Variants in IL1RAPL2 observed in about 807,000 individuals in gnomAD.
The protein encoded by IL1RAPL2 is interleukin 1 receptor accessory protein like 2.
A neutral mutation model predicts 44.1 loss-of-function variants in IL1RAPL2; 3 were observed. That is an observed-to-expected ratio of 0.07 (90% CI 0.03 to 0.18). The LOEUF (loss-of-function observed/expected upper bound fraction) is 0.18. Among genes scored for constraint, IL1RAPL2 ranks in the 10% least tolerant of loss-of-function variants. The probability of loss-of-function intolerance (pLI) is 1.00; values close to 1 mark genes in which losing one functional copy is unlikely to be tolerated. For synonymous variants in IL1RAPL2, 181 were observed against 178.8 expected, an observed-to-expected ratio of 1.01 and a Z score of -0.10; for missense variants, 391 against 496.4, an observed-to-expected ratio of 0.79 and a Z score of 2.02.
intron 6 of IL1RAPL2, among the ~76,000 whole-genome samples, chrX:105,608,359 A>G (rs1320254679): frequency 8.9e-6 from 1 of 111,748 alleles, no homozygotes; most frequent in East Asian, 2.8e-4. Flanking sequence ...TTCTGAGAGA[A>G]TTTTTAAAAC....
intron 1 of IL1RAPL2, among the ~76,000 whole-genome samples, chrX:104,620,149 G>A (rs1332209487): frequency 9.0e-6 from 1 of 110,932 alleles, no homozygotes; most frequent in Non-Finnish European, 1.9e-5. Context: ...GAGGGACAAT[G>A]GGAAACTATA....
chrX:105,064,105 C>T lies in IL1RAPL2; in HGVS notation c.83-131370C>T, dbSNP rs143018338. 4.1e-3 allele frequency among the ~76,000 whole-genome samples: 465 copies of T among 112,360 alleles called. 1 individual carries two copies. Among genetic ancestry groups the T allele is most frequent in the African/African-American group, 0.014 (434 of 30,934 alleles). On this transcript the variant is annotated intron_variant, in intron 2 of 10. Coordinates refer to ENST00000372582, the MANE Select transcript of IL1RAPL2 (RefSeq NM_017416.2). ...TACAATCACCAGGTGGTGAAGCTAT[C>T]TAGGACTTTTTTCTTCCCTACATGG...
chrX:104,890,120 G>A (rs191123112), intron 2 of IL1RAPL2, among the ~76,000 whole-genome samples: 46 of 111,750 alleles, frequency 4.1e-4, no homozygotes, highest in Non-Finnish European at 6.0e-4. Context: ...CCCTACAAAG[G>A]ACATGAACTC....
chrX:105,558,760 A>G (rs770120995), intron 6 of IL1RAPL2, among the ~76,000 whole-genome samples: 1 of 112,232 alleles, frequency 8.9e-6, no homozygotes, highest in African/African-American at 3.2e-5. Flanking sequence ...TTTTCTAATC[A>G]TGGTCTTCTA....
intron 2 of IL1RAPL2, among the ~76,000 whole-genome samples, chrX:105,080,158 A>G (rs1407473179): frequency 8.9e-6 from 1 of 111,932 alleles, no homozygotes; most frequent in Non-Finnish European, 1.9e-5. Context: ...ATTTTCTACC[A>G]TTCTGTAGGT....
chrX:104,892,720 T>G (rs1444326735), intron 2 of IL1RAPL2, among the ~76,000 whole-genome samples: 1 of 111,583 alleles, frequency 9.0e-6, no homozygotes, highest in Non-Finnish European at 1.9e-5. Flanking sequence ...TCTATCAGTT[T>G]TGTTGATCTT....
At chrX:105,231,347 A>G (rs1330925368) in intron 3 of IL1RAPL2, among the ~76,000 whole-genome samples, 2 of 111,563 alleles carry the variant, frequency 1.8e-5, no homozygotes, top group Admixed American at 1.9e-4. Flanking sequence ...ATCCACAAAT[A>G]CCTGCAAATT....
rs1026135787 is a variant in IL1RAPL2 at position 105,113,561 on chromosome X, C to T, written c.83-81914C>T. On this transcript the variant is annotated intron_variant, in intron 2 of 10. Coordinates refer to ENST00000372582, the MANE Select transcript of IL1RAPL2 (RefSeq NM_017416.2). ...TGTTGTCAGTTTTCCAAAATATATT[C>T]CACTTCTCTCTGTCTCAGAGCAGGC... Among the ~76,000 whole-genome samples, 4 of 111,827 alleles carry T rather than the reference C, an allele frequency of 3.6e-5. No homozygotes were observed. The South Asian group carries it at 1.5e-3, about 42-fold the overall frequency.
At chrX:105,366,861 A>G (rs1455143568) in intron 5 of IL1RAPL2, among the ~76,000 whole-genome samples, 1 of 111,785 alleles carries the variant, frequency 8.9e-6, no homozygotes, top group Non-Finnish European at 1.9e-5. Context: ...GTTTTTGTCT[A>G]AAGTCTAGTT....
intron 2 of IL1RAPL2, among the ~76,000 whole-genome samples, chrX:104,784,800 C>A (rs1275793440): frequency 9.2e-6 from 1 of 108,337 alleles, no homozygotes; most frequent in Non-Finnish European, 1.9e-5. Context: ...ACATCTGTAA[C>A]TGTGCTCAGA....
At chrX:105,401,978 A>T (rs1251778534) in intron 5 of IL1RAPL2, among the ~76,000 whole-genome samples, 3 of 110,513 alleles carry the variant, frequency 2.7e-5, no homozygotes, top group African/African-American at 9.8e-5. Context: ...GCTTGAAAAA[A>T]ATTGTCACTT....
At chrX:104,875,543 A>G (rs778951519) in intron 2 of IL1RAPL2, among the ~76,000 whole-genome samples, 4 of 111,817 alleles carry the variant, frequency 3.6e-5, no homozygotes, top group Non-Finnish European at 7.5e-5. Context: ...AAGTTTCTCT[A>G]GGACAAGATC....
chrX:105,144,518 G>A (rs1356434314), intron 2 of IL1RAPL2, among the ~76,000 whole-genome samples: 1 of 110,910 alleles, frequency 9.0e-6, no homozygotes. Flanking sequence ...TCCTTAGCCT[G>A]GTAAAGATGT....
chrX:105,720,111 T>C (rs960540728), intron 7 of IL1RAPL2, among the ~76,000 whole-genome samples: 3 of 111,685 alleles, frequency 2.7e-5, no homozygotes, highest in African/African-American at 9.7e-5. Context: ...CTCAGAGATA[T>C]GTTTTGTGAT....
At chrX:105,315,228 C>A (rs1225026054) in intron 5 of IL1RAPL2, among the ~76,000 whole-genome samples, 2 of 110,295 alleles carry the variant, frequency 1.8e-5, no homozygotes, top group Admixed American at 2.0e-4. Flanking sequence ...CAACAGGGAA[C>A]AACTTGACCT....
At position 105,603,657 on chromosome X, in the gene IL1RAPL2, T is replaced by G. The variant is rs892890757; in HGVS notation, c.773-113710T>G. ...GAAAATCAACAAAGAGACATCAGTCTTAAATTACAATATAGACCAAATGGA... is the reference window on the plus strand; with the variant it reads ...GAAAATCAACAAAGAGACATCAGTCGTAAATTACAATATAGACCAAATGGA... On this transcript the variant is annotated intron_variant, in intron 6 of 10. Coordinates refer to ENST00000372582, the MANE Select transcript of IL1RAPL2 (RefSeq NM_017416.2). 3.6e-5 allele frequency among the ~76,000 whole-genome samples: 4 copies of G among 111,698 alleles called. No individual in the cohort carries two copies. In the East Asian group the frequency reaches 1.1e-3, roughly 31 times the overall value.
chrX:104,875,561 T>A (rs1922880354), intron 2 of IL1RAPL2, among the ~76,000 whole-genome samples: 1 of 111,806 alleles, frequency 8.9e-6, no homozygotes, highest in Non-Finnish European at 1.9e-5. Flanking sequence ...ATCCACATCT[T>A]CCACTTTTCT....
At position 105,755,319 on chromosome X, in the gene IL1RAPL2, C is replaced by T; in HGVS notation, c.1335C>T (p.Ile445=). The change falls in exon 10 of 11, where the codon ATC becomes ATT. Residue 445 remains isoleucine (I), a synonymous_variant. Coordinates refer to ENST00000372582, the MANE Select transcript of IL1RAPL2 (RefSeq NM_017416.2). ...LEKHYGYKLF[I]PERDLIPSGT... ...AACACTATGGATATAAACTCTTCAT[C>T]CCAGAAAGAGACCTGATTCCAAGTG... The T allele has an allele frequency of 8.3e-7, 1 of 1,199,478 alleles. No individual in the cohort carries two copies. Among genetic ancestry groups the T allele is most frequent in the East Asian group, 3.0e-5 (1 of 33,687 alleles).
intron 2 of IL1RAPL2, among the ~76,000 whole-genome samples, chrX:104,867,236 C>CAAAAAA: frequency 2.3e-5 from 1 of 43,814 alleles, no homozygotes; most frequent in Non-Finnish European, 4.0e-5. Flanking sequence ...GTCTCTGTCT[C>CAAAAAA]AAAAAAAAAA....
Sources: gnomAD v4.1 joint callset for allele counts (sites outside exome capture counted in the v4.1 genomes callset) on GRCh38, gnomAD v4.1.1 for gene constraint, MANE v1.5 for transcripts, NCBI Gene and HGNC (gene_info 2026-07-23, HGNC 2026-07-21) for gene names.